Variants in WLS observed in about 807,000 individuals in gnomAD.
WLS encodes the protein Wnt ligand secretion mediator, also known as protein wntless homolog.
Under a neutral mutation model 62.8 loss-of-function variants are expected in WLS, and 23 were observed. The observed-to-expected ratio is 0.37, with a 90% CI of 0.26 to 0.52. WLS has a LOEUF of 0.52. WLS is among the 20% of genes least tolerant of loss of function. The pLI, the probability that WLS is intolerant of heterozygous loss-of-function variation, is 0.92. For missense variants in WLS, 615 were observed against 697.3 expected (o/e 0.88, Z 1.33); for synonymous variants, 246 against 244.1 (o/e 1.01, Z -0.07).
Position 68,153,618 on chromosome 1 carries a change from C to G in WLS, c.702G>C (p.Trp234Cys), listed in dbSNP as rs566622107. 59 of 1,614,084 alleles carry G rather than the reference C, an allele frequency of 3.7e-5. No individual in the cohort carries two copies. The South Asian group carries it at 5.6e-4, about 15-fold the overall frequency. ...IHQNGGFTKV[W>C]FAMKTFLTPS... Reference sequence around the variant, plus strand: ...GCGTAAGGAAGGTCTTCATGGCAAACCACACCTTGGTGAAGCCTCCATTTT... The same window carrying G: ...GCGTAAGGAAGGTCTTCATGGCAAAGCACACCTTGGTGAAGCCTCCATTTT... Residue 234 changes from tryptophan (W) to cysteine (C), a missense_variant, in exon 5 of 12, where the codon TGG becomes TGC. Physicochemically the swap from Trp to Cys is radical, Grantham distance 215. Transcript: ENST00000262348.
chr1:68,199,289 T>G (rs2100619432), intron 1 of WLS, among the ~76,000 whole-genome samples: 1 of 152,286 alleles, frequency 6.6e-6, no homozygotes, highest in African/African-American at 2.4e-5. Context: ...CCCCATTTGC[T>G]CACAGGCTAG....
At position 68,155,384 on chromosome 1, in the gene WLS, G is replaced by T. The variant is rs567598014; in HGVS notation, c.505-124C>A. ...TAATGCTTAAAGGTACACTTTAGAC[G>T]TACAGAGTAACAATGCATACTGGAG... On this transcript the variant is annotated intron_variant, in intron 3 of 11. Coordinates refer to ENST00000262348, the MANE Select transcript of WLS (RefSeq NM_024911.7). The T allele has an allele frequency of 2.2e-4, 270 of 1,215,156 alleles. 1 individual carries two copies. The highest frequency in any genetic ancestry group is 5.0e-4 in the Admixed American group (16 of 32,086). 75.3% of individuals were successfully genotyped at this position (1,215,156 alleles called of 1,614,324 possible).
downstream of WLS, among the ~76,000 whole-genome samples, chr1:68,125,087 T>C (rs1646409885): frequency 6.6e-6 from 1 of 152,174 alleles, no homozygotes; most frequent in Non-Finnish European, 1.5e-5. Flanking sequence ...CGAAAAAGGC[T>C]ATTGGGGAAA....
At chr1:68,196,587 T>C (rs371218578) in intron 1 of WLS, among the ~76,000 whole-genome samples, 3 of 152,160 alleles carry the variant, frequency 2.0e-5, no homozygotes, top group African/African-American at 7.2e-5. Context: ...ATTATTTTTC[T>C]ATTCTATTAA....
rs142188743 is a variant in WLS, at chr1:68,212,038, C to T, written c.107-17811G>A. On this transcript the variant is annotated intron_variant, in intron 1 of 11. Transcript: ENST00000262348. ...TGATTAACGAAGTACCCTTTGTATC[C>T]GAGCTCCATTCTAAGAGAAAGAGAA... is the stretch of plus-strand genomic sequence containing the variant. Among the ~76,000 whole-genome samples, 1,201 of 152,280 alleles carry T rather than the reference C, an allele frequency of 7.9e-3. 14 individuals carry two copies. Among genetic ancestry groups the T allele is most frequent in the Non-Finnish European group, 0.011 (767 of 68,020 alleles).
At chr1:68,102,874 CTG>C (rs1646096524) in intron 11 of WLS, 1 of 152,398 alleles carries the variant, frequency 6.6e-6, no homozygotes, top group Non-Finnish European at 1.5e-5. Flanking sequence ...CCTGACCTCA[CTG>C]TGTCTTGGCT....
intron 11 of WLS, among the ~76,000 whole-genome samples, chr1:68,110,651 A>ATCTCTCTCTCTCTCTCTCTCTCTC (rs752431176): frequency 4.8e-5 from 6 of 126,152 alleles, no homozygotes; most frequent in African/African-American, 1.8e-4. Flanking sequence ...GCCCCCAAAA[A>ATCTCTCTCTCTCTCTCTCTCTCTC]TCTCTGTCTC....
Position 68,159,260 on chromosome 1 carries a change from G to A in WLS, c.380-13C>T, listed in dbSNP as rs1183453990. 3 of 1,609,056 alleles carry A rather than the reference G, an allele frequency of 1.9e-6. No individual in the cohort carries two copies. The highest frequency in any genetic ancestry group is 2.7e-5 in the African/African-American group (2 of 74,704). On this transcript the variant is annotated splice_polypyrimidine_tract_variant and intron_variant, in intron 2 of 11. Transcript: ENST00000262348. ...TCTGCATTTTCTCCTGCAAGAGAAA[G>A]GATGCACGTTTCAGAAATGACTTTT...
chr1:68,171,466 GA>G (rs958083806), intron 2 of WLS, among the ~76,000 whole-genome samples: 4 of 149,094 alleles, frequency 2.7e-5, no homozygotes, highest in East Asian at 2.0e-4. Flanking sequence ...AAATTTACAA[GA>G]AAAAAAAACA....
intron 1 of WLS, chr1:68,202,463 T>C (rs533193617): frequency 2.6e-5 from 4 of 152,328 alleles, no homozygotes; most frequent in East Asian, 1.9e-4. Context: ...TGGAAGTATA[T>C]CAAATTACGA....
chr1:68,152,309 T>C (rs1646837303), intron 5 of WLS, among the ~76,000 whole-genome samples: 1 of 152,142 alleles, frequency 6.6e-6, no homozygotes, highest in Non-Finnish European at 1.5e-5. Context: ...ATAGATGATT[T>C]TTCAGACCAC....
At chr1:68,147,546 A>C (rs1345452555) in intron 8 of WLS, among the ~76,000 whole-genome samples, 1 of 152,202 alleles carries the variant, frequency 6.6e-6, no homozygotes, top group African/African-American at 2.4e-5. Flanking sequence ...CCGGAAGATA[A>C]AATATTTAAA....
At chr1:68,124,749 T>TAA (rs1646404547), downstream of WLS, among the ~76,000 whole-genome samples, 1 of 152,170 alleles carries the variant, frequency 6.6e-6, no homozygotes, top group African/African-American at 2.4e-5. Context: ...TACCACGCTT[T>TAA]AAGCCAAAGT....
intron 2 of WLS, 152 bp downstream of exon 2, chr1:68,193,803 C>G: frequency 1.0e-6 from 1 of 992,916 alleles, no homozygotes; most frequent in Non-Finnish European, 1.5e-6. Context: ...TGGGTTAATA[C>G]AGGTAAAGTA....
chr1:68,199,610 A>C (rs1000958736), intron 1 of WLS, among the ~76,000 whole-genome samples: 1 of 152,214 alleles, frequency 6.6e-6, no homozygotes, highest in Non-Finnish European at 1.5e-5. Context: ...TACTACTCTT[A>C]TCTCTGTGTC....
chr1:68,203,682 C>T (rs1057109637), intron 1 of WLS, among the ~76,000 whole-genome samples: 2 of 152,186 alleles, frequency 1.3e-5, no homozygotes, highest in Non-Finnish European at 2.9e-5. Flanking sequence ...GAAGATCTGA[C>T]TCAGGAACAC....
chr1:68,191,700 CAAGT>C (rs1377870218), intron 2 of WLS, among the ~76,000 whole-genome samples: 1 of 152,138 alleles, frequency 6.6e-6, no homozygotes, highest in Non-Finnish European at 1.5e-5. Flanking sequence ...AGTGAGTGAA[CAAGT>C]GAGTCAATAA....
intron 1 of WLS, among the ~76,000 whole-genome samples, chr1:68,221,853 C>T (rs1213088321): frequency 2.0e-5 from 3 of 152,190 alleles, no homozygotes; most frequent in African/African-American, 7.2e-5. Context: ...ACTTGCACCA[C>T]TCAAATCACA....
chr1:68,213,481 A>AGGAAGCAT (rs1270832506), intron 1 of WLS, among the ~76,000 whole-genome samples: 3 of 150,232 alleles, frequency 2.0e-5, no homozygotes, highest in Non-Finnish European at 4.4e-5. Flanking sequence ...AGGAAAGACG[A>AGGAAGCAT]GGAAGCATGA....
Sources: allele counts gnomAD v4.1 joint callset (sites outside exome capture counted in the v4.1 genomes callset), GRCh38; gene constraint gnomAD v4.1.1; transcripts MANE v1.5; gene names NCBI Gene and HGNC (gene_info 2026-07-23, HGNC 2026-07-21).